Variants in EGFLAM observed in about 807,000 individuals in gnomAD.
The protein encoded by EGFLAM is EGF like, fibronectin type III and laminin G domains.
Under a neutral mutation model 113.1 loss-of-function variants are expected in EGFLAM, and 79 were observed. The observed-to-expected ratio is 0.70, with a 90% confidence interval of 0.58 to 0.84. The LOEUF (loss-of-function observed/expected upper bound fraction) is 0.84. Ranked by LOEUF, EGFLAM falls within the 40% of genes least tolerant of loss-of-function variation. The pLI is 0.00. For missense variants in EGFLAM, 1,265 were observed against 1,291.6 expected (o/e 0.98, Z 0.32); for synonymous variants, 504 against 487.6 (o/e 1.03, Z -0.44).
chr5:38,265,704 A>G (rs1001252447), intron 1 of EGFLAM, among the ~76,000 whole-genome samples: 2 of 152,188 alleles, frequency 1.3e-5, no homozygotes, highest in African/African-American at 4.8e-5. Flanking sequence ...GTTCTCATGC[A>G]GTGGCTTAGA....
chr5:38,358,401 C>T lies in EGFLAM; in HGVS notation c.545+6070C>T, dbSNP rs189297188. ...GGCGGAGCTTGCAGTGAGCCCAGAT[C>T]GCGCCACTGCACTCCAGCCTGGGCG... On this transcript the variant is annotated intron_variant, in intron 5 of 21. Coordinates refer to ENST00000322350, the MANE Select transcript of EGFLAM (RefSeq NM_152403.4). 4.0e-3 allele frequency among the ~76,000 whole-genome samples: 580 copies of T among 144,538 alleles called. 2 individuals are homozygous for T. The highest frequency in any genetic ancestry group is 5.5e-3 in the Non-Finnish European group (369 of 66,998). 94.8% of individuals were successfully genotyped at this position (144,538 alleles called of 152,430 possible).
At chr5:38,280,681 A>G (rs987786622) in intron 1 of EGFLAM, among the ~76,000 whole-genome samples, 2 of 152,156 alleles carry the variant, frequency 1.3e-5, no homozygotes, top group Admixed American at 6.5e-5. Context: ...CTCTGGGTGC[A>G]TCAGTGTCCC....
intron 1 of EGFLAM, among the ~76,000 whole-genome samples, chr5:38,263,678 CT>C (rs1757559500): frequency 1.3e-5 from 2 of 152,014 alleles, no homozygotes; most frequent in Non-Finnish European, 2.9e-5. Context: ...TCTTAAATGG[CT>C]CGTGCTGTTT....
At chr5:38,443,126 T>C (rs568267138) in intron 17 of EGFLAM, among the ~76,000 whole-genome samples, 50 of 151,672 alleles carry the variant, frequency 3.3e-4, no homozygotes, top group African/African-American at 1.2e-3. Flanking sequence ...ATTAGCCAGG[T>C]GTGGTGGTGC....
intron 16 of EGFLAM, among the ~76,000 whole-genome samples, chr5:38,436,550 G>A (rs1348825293): frequency 6.6e-6 from 1 of 152,150 alleles, no homozygotes; most frequent in African/African-American, 2.4e-5. Flanking sequence ...CCCTATGAGT[G>A]GGATTGGCCA....
chr5:38,265,863 A>G (rs576692042), intron 1 of EGFLAM, among the ~76,000 whole-genome samples: 1 of 152,362 alleles, frequency 6.6e-6, no homozygotes, highest in South Asian at 2.1e-4. Context: ...CAAGAACCTC[A>G]GATGACTTGA....
chr5:38,366,069 A>G (rs73749214), intron 5 of EGFLAM, among the ~76,000 whole-genome samples: 164 of 152,258 alleles, frequency 1.1e-3, no homozygotes, highest in African/African-American at 3.7e-3. Flanking sequence ...GAAGCTTTCC[A>G]CACCATCTTT....
chr5:38,358,657 C>T (rs1739832432), intron 5 of EGFLAM, among the ~76,000 whole-genome samples: 1 of 152,080 alleles, frequency 6.6e-6, no homozygotes, highest in Non-Finnish European at 1.5e-5. Flanking sequence ...TGTGAGCACT[C>T]TGAAGGCGCT....
intron 1 of EGFLAM, among the ~76,000 whole-genome samples, chr5:38,281,767 A>C (rs1758028754): frequency 6.6e-6 from 1 of 152,222 alleles, no homozygotes; most frequent in African/African-American, 2.4e-5. Flanking sequence ...AAATGGGTTT[A>C]CTACACAAGA....
At chr5:38,332,649 A>G (rs1310995255) in intron 1 of EGFLAM, among the ~76,000 whole-genome samples, 1 of 152,234 alleles carries the variant, frequency 6.6e-6, no homozygotes, top group Non-Finnish European at 1.5e-5. Context: ...CATTATTTCT[A>G]TAGATTATAG....
At chr5:38,394,733 A>ATTTT (rs1740912548) in intron 6 of EGFLAM, among the ~76,000 whole-genome samples, 4 of 82,670 alleles carry the variant, frequency 4.8e-5, no homozygotes, top group African/African-American at 1.3e-4. Context: ...TTTTTTTTTA[A>ATTTT]CTCTAATGCT....
intron 6 of EGFLAM, among the ~76,000 whole-genome samples, chr5:38,385,313 A>G (rs942954425): frequency 3.6e-5 from 3 of 82,408 alleles, no homozygotes; most frequent in Non-Finnish European, 7.3e-5. Context: ...GCCAACAAAC[A>G]CCAACATCCA....
chr5:38,432,153 A>G (rs1579923405), intron 15 of EGFLAM, among the ~76,000 whole-genome samples: 2 of 152,202 alleles, frequency 1.3e-5, no homozygotes, highest in Non-Finnish European at 2.9e-5. Context: ...AGATTTGCCA[A>G]TATCTTAGTT....
intron 1 of EGFLAM, among the ~76,000 whole-genome samples, chr5:38,328,723 GTTTTTTTTTTTTTT>G (rs3077265): frequency 2.9e-5 from 3 of 103,026 alleles, no homozygotes; most frequent in Admixed American, 1.1e-4. Flanking sequence ...AGCTATACTT[GTTTTTTTTTTTTTT>G]TTTTTTTGCA....
intron 14 of EGFLAM, 40 bp downstream of exon 14, chr5:38,427,292 G>T (rs751733201): frequency 6.3e-7 from 1 of 1,598,458 alleles, no homozygotes; most frequent in South Asian, 1.1e-5. Context: ...CCCTTAAAAA[G>T]GCAAATAGTA....
intron 1 of EGFLAM, among the ~76,000 whole-genome samples, chr5:38,335,067 T>A (rs1739148844): frequency 6.6e-6 from 1 of 152,142 alleles, no homozygotes; most frequent in South Asian, 2.1e-4. Flanking sequence ...CAAATGTCAA[T>A]AGTGTCAAGG....
chr5:38,294,445 C>T (rs530483448), intron 1 of EGFLAM, among the ~76,000 whole-genome samples: 32 of 152,248 alleles, frequency 2.1e-4, no homozygotes, highest in African/African-American at 7.2e-4. Flanking sequence ...ATGCTCCTTC[C>T]ATTTTGGGGC....
chr5:38,334,461 A>G (rs1205908204), intron 1 of EGFLAM, among the ~76,000 whole-genome samples: 1 of 152,006 alleles, frequency 6.6e-6, no homozygotes, highest in African/African-American at 2.4e-5. Flanking sequence ...GCTCTCTAGG[A>G]TATCTTTTGG....
intron 6 of EGFLAM, among the ~76,000 whole-genome samples, chr5:38,400,250 C>G (rs1741071814): frequency 6.6e-6 from 1 of 152,112 alleles, no homozygotes; most frequent in Non-Finnish European, 1.5e-5. Context: ...TATAGAAAAC[C>G]TGTGATGCCT....
Sources: gnomAD v4.1 joint callset for allele counts (sites outside exome capture counted in the v4.1 genomes callset) on GRCh38, gnomAD v4.1.1 for gene constraint, MANE v1.5 for transcripts, NCBI Gene and HGNC (gene_info 2026-07-23, HGNC 2026-07-21) for gene names.